Variants in ZNF71 observed in about 807,000 individuals in gnomAD.
ZNF71 encodes endothelial zinc finger protein induced by tumor necrosis factor alpha.
In ZNF71, 3 loss-of-function variants were observed where a neutral mutation model predicts 6.7. The observed-to-expected ratio is 0.45, with a 90% CI of 0.20 to 1.16. The LOEUF is 1.16. ZNF71 is among the 50% of genes most tolerant of loss of function. ZNF71 has a pLI of 0.25. For synonymous variants in ZNF71, 343 were observed against 311.1 expected, an observed-to-expected ratio of 1.10 and a Z score of -1.08; for missense variants, 688 against 728.6, an observed-to-expected ratio of 0.94 and a Z score of 0.64.
intron 2 of ZNF71, among the ~76,000 whole-genome samples, chr19:56,608,717 A>AACAC (rs34794314): frequency 0.027 from 4,050 of 151,486 alleles, 167 homozygotes; most frequent in African/African-American, 0.091. Flanking sequence ...GGAGGCTGCC[A>AACAC]ACACACACAC....
chr19:56,620,103 T>C (rs1472566905), intron 3 of ZNF71, among the ~76,000 whole-genome samples: 3 of 152,098 alleles, frequency 2.0e-5, no homozygotes, highest in Non-Finnish European at 4.4e-5. Flanking sequence ...CCCCAAGTCA[T>C]GTGATTATTG....
chr19:56,622,637 C>T lies in ZNF71; in HGVS notation c.1530C>T (p.Asn510=). Residue 510 remains asparagine (N), a synonymous_variant, in exon 4 of 4, where the codon AAC becomes AAT. Transcript: ENST00000599599. ...AGTGCGGGAAGTCCTTCATCAAGAACTCCTCCCTCACTGTGCACCAGCGGA... is the reference window on the plus strand; with the variant it reads ...AGTGCGGGAAGTCCTTCATCAAGAATTCCTCCCTCACTGTGCACCAGCGGA... The part of the protein sequence containing the change: ...CGQCGKSFIK[N]SSLTVHQRIH... 6.2e-7 allele frequency: 1 copy of T among 1,614,058 alleles called. No homozygotes were observed. The highest frequency in any genetic ancestry group is 8.5e-7 in the Non-Finnish European group (1 of 1,179,948).
chr19:56,611,753 G>A (rs1017644914), intron 2 of ZNF71, among the ~76,000 whole-genome samples: 2 of 152,220 alleles, frequency 1.3e-5, no homozygotes, highest in African/African-American at 4.8e-5. Context: ...AGACTGTGCA[G>A]CTTAAACAAA....
intron 2 of ZNF71, among the ~76,000 whole-genome samples, chr19:56,611,169 A>G (rs1033987660): frequency 5.9e-5 from 9 of 152,342 alleles, no homozygotes; most frequent in African/African-American, 1.9e-4. Flanking sequence ...CCTGGGGGAT[A>G]TTCGAGGAGA....
In ZNF71 at chr19:56,618,751, T is replaced by C. The variant is rs1422548302; in HGVS notation, c.161-2517T>C. ...GAGGGAGAGCATGGTGATGAGAAAC[T>C]GGGAGGGAGGGTGGGCAGGGGACGA... On this transcript the variant is annotated intron_variant, in intron 3 of 3. Transcript: ENST00000599599. This position sits in a 1 kb window ranked among gnomAD's most constrained non-coding sequence, Gnocchi z 4.6. 1.1e-4 allele frequency among the ~76,000 whole-genome samples: 1 copy of C among 9,332 alleles called. No individual in the cohort carries two copies. Among genetic ancestry groups the C allele is most frequent in the South Asian group, 2.9e-3 (1 of 346 alleles). The allele number at this position is 9,332 out of a possible 152,430, so 6.1% of individuals were successfully genotyped here.
chr19:56,621,300 G>A lies in ZNF71; in HGVS notation c.193G>A (p.Asp65Asn). ...WETRPEMKEL[D>N]PKNDISEDKL... The stretch of plus-strand genomic sequence containing the variant: ...GACTAGACCTGAAATGAAAGAGTTG[G>A]ATCCAAAGAATGACATTTCGGAAGA... The change falls in exon 4 of 4, where the codon GAT becomes AAT. Residue 65 changes from aspartate to asparagine, a missense_variant. Transcript: ENST00000599599. The A allele has an allele frequency of 6.6e-7, 1 of 1,520,906 alleles. No individual in the cohort carries two copies. The highest frequency in any genetic ancestry group is 2.3e-5 in the East Asian group (1 of 44,032). 94.2% of individuals were successfully genotyped at this position (1,520,906 alleles called of 1,614,324 possible). A position where few individuals can be genotyped will look rare whatever the true frequency, so the allele number is the denominator to read the frequency against.
At position 56,623,691 on chromosome 19, in the gene ZNF71, A is replaced by G. The variant is rs1349190769; in HGVS notation, c.*934A>G. 1 of 167,158 alleles carries G rather than the reference A, an allele frequency of 6.0e-6. No homozygotes were observed. The highest frequency in any genetic ancestry group is 1.5e-5 in the Non-Finnish European group (1 of 68,150). 10.4% of individuals were successfully genotyped at this position (167,158 alleles called of 1,614,324 possible). ...ACCTTAGACTGGGTAATTTATAAAC[A>G]ATAGAAATTTGTCACTCATGGTTCT... On this transcript the variant is annotated 3_prime_UTR_variant, in exon 4 of 4. Transcript: ENST00000599599.
chr19:56,599,855 G>A (rs922727010), intron 1 of ZNF71, among the ~76,000 whole-genome samples: 4 of 151,600 alleles, frequency 2.6e-5, no homozygotes, highest in East Asian at 1.9e-4. Flanking sequence ...CACCACACCC[G>A]GCTAATTTTT....
chr19:56,621,100 GCCTCCCT>G (rs1417504323), intron 3 of ZNF71, among the ~76,000 whole-genome samples, 161 bp from the exon 4 acceptor site: 1 of 152,138 alleles, frequency 6.6e-6, no homozygotes, highest in African/African-American at 2.4e-5. Context: ...TCAGTTCCAT[GCCTCCCT>G]CCTCCCTCCC....
At chr19:56,608,480 T>C (rs745910494) in intron 2 of ZNF71, among the ~76,000 whole-genome samples, 25 of 152,170 alleles carry the variant, frequency 1.6e-4, no homozygotes, top group Non-Finnish European at 2.9e-4. Flanking sequence ...AATATCCCAT[T>C]GTATGCATAG....
At position 56,621,343 on chromosome 19, in the gene ZNF71, G is replaced by A. The variant is rs1308730589; in HGVS notation, c.236G>A (p.Gly79Glu). 4 of 1,549,254 alleles carry A rather than the reference G, an allele frequency of 2.6e-6. No individual in the cohort carries two copies. The highest frequency in any genetic ancestry group is 3.5e-6 in the Non-Finnish European group (4 of 1,148,652). ...TCGGAAGACAAGCTCTCCGTTGTTG[G>A]GGAGGCCACGGGGGGACCCACGAGG... ...DISEDKLSVV[G>E]EATGGPTRNG... The change falls in exon 4 of 4, where the codon GGG (glycine) becomes GAG (glutamate). Residue 79 changes from glycine (G) to glutamate (E), a missense_variant. Transcript: ENST00000599599.
rs557258074 is a variant in ZNF71, at chr19:56,615,131, A to G, written c.160+1193A>G. 2.0e-5 allele frequency among the ~76,000 whole-genome samples: 3 copies of G among 152,312 alleles called. No homozygotes were observed. In the East Asian group the frequency reaches 5.8e-4, roughly 29 times the overall value. On this transcript the variant is annotated intron_variant, in intron 3 of 3. Coordinates refer to ENST00000599599, the MANE Select transcript of ZNF71 (RefSeq NM_001370215.1). Reference sequence around the variant, plus strand: ...TGTGTATGCCACAATTTGTTCAGCCATTCGCCTGGTGATCAACATTTGGGT... The same window carrying G: ...TGTGTATGCCACAATTTGTTCAGCCGTTCGCCTGGTGATCAACATTTGGGT...
In ZNF71 at chr19:56,622,798, G is replaced by T. The variant is rs942958411; in HGVS notation, c.*41G>T. The T allele has an allele frequency of 6.4e-7, 1 of 1,551,414 alleles. No homozygotes were observed. The highest frequency in any genetic ancestry group is 1.4e-5 in the African/African-American group (1 of 73,352). On this transcript the variant is annotated 3_prime_UTR_variant, in exon 4 of 4. Coordinates refer to ENST00000599599, the MANE Select transcript of ZNF71 (RefSeq NM_001370215.1). ...GCTCTCACTGGCGGTGCCCAGGACG[G>T]ACGCCAGATGGCTGCGCGCTTTGTC...
At chr19:56,614,272 T>C (rs1277945336) in intron 3 of ZNF71, among the ~76,000 whole-genome samples, 1 of 152,168 alleles carries the variant, frequency 6.6e-6, no homozygotes, top group Non-Finnish European at 1.5e-5. Context: ...ACCTTACTAC[T>C]GGAGACACAC....
intron 2 of ZNF71, among the ~76,000 whole-genome samples, chr19:56,611,251 G>T (rs2044749887): frequency 6.6e-6 from 1 of 152,280 alleles, no homozygotes; most frequent in East Asian, 1.9e-4. Flanking sequence ...GGGGGTCAGA[G>T]GTCAGAGTCA....
At chr19:56,608,969 T>A (rs1250608183) in intron 2 of ZNF71, among the ~76,000 whole-genome samples, 1 of 152,182 alleles carries the variant, frequency 6.6e-6, no homozygotes, top group Non-Finnish European at 1.5e-5. Flanking sequence ...ATTTAATGAA[T>A]CCCATGACAT....
Position 56,622,338 on chromosome 19 carries a change from G to A in ZNF71, c.1231G>A (p.Val411Met). 6.2e-7 allele frequency: 1 copy of A among 1,612,554 alleles called. No individual in the cohort carries two copies. The highest frequency in any genetic ancestry group is 8.5e-7 in the Non-Finnish European group (1 of 1,179,346). Residue 411 changes from valine to methionine, a missense_variant, in exon 4 of 4, where the codon GTG becomes ATG. Transcript: ENST00000599599. The part of the protein sequence containing the change: ...LIQHQRFHIG[V>M]KPFECSECGK... ...CCAGCACCAGCGCTTCCACATCGGC[G>A]TGAAGCCGTTCGAGTGCAGCGAGTG...
chr19:56,616,147 G>C (rs1387070851), intron 3 of ZNF71, among the ~76,000 whole-genome samples: 1 of 152,136 alleles, frequency 6.6e-6, no homozygotes, highest in Non-Finnish European at 1.5e-5. Flanking sequence ...TCTTCTGTAA[G>C]TTATATAGTT....
intron 1 of ZNF71, among the ~76,000 whole-genome samples, chr19:56,595,911 G>A (rs907230691): frequency 1.3e-5 from 2 of 150,492 alleles, no homozygotes; most frequent in African/African-American, 2.4e-5. Context: ...GAGAAACTGC[G>A]TGTCGTCCAG....
Sources: gnomAD v4.1 joint callset for allele counts (sites outside exome capture counted in the v4.1 genomes callset) on GRCh38, gnomAD v4.1.1 for gene constraint, Gnocchi (gnomAD v3.1) non-coding constraint, MANE v1.5 for transcripts, NCBI Gene and HGNC (gene_info 2026-07-23, HGNC 2026-07-21) for gene names.